CASD1: variants seen among roughly 807,000 people sequenced by gnomAD.
CASD1 encodes the protein CAS1 domain sialic acid O acetyltransferase 1.
A neutral mutation model predicts 100.0 loss-of-function variants in CASD1; 41 were observed. The observed-to-expected ratio is 0.41, with a 90% confidence interval of 0.32 to 0.53. The LOEUF is 0.53. CASD1 is among the 20% of genes least tolerant of loss of function. The pLI, the probability that CASD1 is intolerant of heterozygous loss-of-function variation, is 0.25. For missense variants in CASD1, 774 were observed against 948.7 expected, an observed-to-expected ratio of 0.82 and a Z score of 2.42; for synonymous variants, 321 against 315.6, an observed-to-expected ratio of 1.02 and a Z score of -0.18.
At chr7:94,572,669 T>A in the CASD1 span, among the ~76,000 whole-genome samples, 7 of 152,192 alleles carry the variant, frequency 4.6e-5, no homozygotes, top group African/African-American at 1.4e-4. Context: ...TTGCTCCCAT[T>A]CTGTAGGTTG....
intron 1 of CASD1, among the ~76,000 whole-genome samples, chr7:94,512,320 A>G (rs1441793470): frequency 6.6e-6 from 1 of 152,194 alleles, no homozygotes; most frequent in Non-Finnish European, 1.5e-5. Context: ...GCTGCATTCA[A>G]AGCCATCCTG....
At chr7:94,593,898 C>T in the CASD1 span, among the ~76,000 whole-genome samples, 2 of 152,038 alleles carry the variant, frequency 1.3e-5, no homozygotes, top group East Asian at 3.9e-4. Context: ...GATTATTAAG[C>T]CAGGAATTCT....
At chr7:94,516,901 C>CT (rs773061890) in intron 1 of CASD1, among the ~76,000 whole-genome samples, 3,404 of 145,544 alleles carry the variant, frequency 0.023, 89 homozygotes, top group East Asian at 0.14. Flanking sequence ...ATCCCTTAAA[C>CT]TTTTTTTTTT....
chr7:94,625,242 C>G, the CASD1 span: 1 of 151,728 alleles, frequency 6.6e-6, no homozygotes, highest in Non-Finnish European at 1.5e-5. Flanking sequence ...ATTTAAGATA[C>G]AAAAATTCTT....
chr7:94,624,177 AAAC>A, the CASD1 span: 2 of 397,848 alleles, frequency 5.0e-6, no homozygotes, highest in Non-Finnish European at 4.4e-6. Context: ...AAAAAAAAAA[AAAC>A]AAATGATTGT....
At chr7:94,610,162 A>G in the CASD1 span, among the ~76,000 whole-genome samples, 3 of 152,232 alleles carry the variant, frequency 2.0e-5, no homozygotes, top group African/African-American at 7.2e-5. Flanking sequence ...AAAAACCACT[A>G]TGGAGACAGT....
the CASD1 span, among the ~76,000 whole-genome samples, chr7:94,592,632 C>T: frequency 6.6e-6 from 1 of 152,032 alleles, no homozygotes; most frequent in Non-Finnish European, 1.5e-5. Context: ...TTTAAGAATG[C>T]AAGAGTAATA....
At chr7:94,627,177 G>A in the CASD1 span, 3 of 152,042 alleles carry the variant, frequency 2.0e-5, no homozygotes, top group Non-Finnish European at 4.4e-5. Context: ...ATTGGCCAAT[G>A]TGGAAGCTCA....
chr7:94,598,938 T>C, the CASD1 span: 1 of 1,613,846 alleles, frequency 6.2e-7, no homozygotes, highest in Non-Finnish European at 8.5e-7. Context: ...GATTTCTGAA[T>C]AGCACTGTGA....
rs1339684535 is a variant in CASD1 at position 94,509,949 on chromosome 7, G to T, written c.-136G>T. ...CCGCGGCCGCGGGGTCAGGTTCCCC[G>T]GCGGGAGGCGCAGGTGGCGGCCTGG... On this transcript the variant is annotated 5_prime_UTR_variant, in exon 1 of 18. Transcript: ENST00000297273. 1 of 1,190,208 alleles carries T rather than the reference G, an allele frequency of 8.4e-7. No homozygotes were observed. The highest frequency in any genetic ancestry group is 1.0e-6 in the Non-Finnish European group (1 of 953,852). 73.7% of individuals were successfully genotyped at this position (1,190,208 alleles called of 1,614,324 possible).
At chr7:94,551,937 G>A (rs910648053) in intron 15 of CASD1, 12 of 165,276 alleles carry the variant, frequency 7.3e-5, no homozygotes, top group South Asian at 1.7e-4. Context: ...TGCTTGAGGC[G>A]ATGTATATCT....
the CASD1 span, chr7:94,618,843 GCTGCCACACATTT>G: frequency 6.2e-7 from 1 of 1,614,006 alleles, no homozygotes. Context: ...AGGCGCTCTG[GCTGCCACACATTT>G]TTCACTGCGC....
At chr7:94,528,895 A>T (rs1333918511) in intron 5 of CASD1, among the ~76,000 whole-genome samples, 1 of 152,058 alleles carries the variant, frequency 6.6e-6, no homozygotes, top group Non-Finnish European at 1.5e-5. Flanking sequence ...ACAATATTTA[A>T]TTTTATTGAC....
At chr7:94,633,568 A>AT in the CASD1 span, among the ~76,000 whole-genome samples, 73 of 152,048 alleles carry the variant, frequency 4.8e-4, no homozygotes, top group Non-Finnish European at 8.8e-4. Flanking sequence ...CAACAACTCT[A>AT]TATTATGTGA....
the CASD1 span, chr7:94,586,878 C>T: frequency 1.0e-6 from 1 of 985,046 alleles, no homozygotes; most frequent in Non-Finnish European, 1.2e-6. Context: ...CTAGGGTGGT[C>T]TCTCTCCCTT....
rs780784679 is a variant in CASD1 at position 94,517,615 on chromosome 7, T to A, written c.189T>A (p.Val63=). The A allele has an allele frequency of 1.9e-6, 3 of 1,612,768 alleles. No homozygotes were observed. The East Asian group carries it at 6.7e-5, about 36-fold the overall frequency. The change falls in exon 2 of 18, where the codon GTT becomes GTA. Residue 63 remains valine (V), a synonymous_variant. Transcript: ENST00000297273. ...LSSGRFLGEK[V]WQPHSCMMHK... ...GTGGCAGATTTCTTGGAGAGAAAGT[T>A]TGGCAACCTCACAGTTGTATGATGC...
the CASD1 span, chr7:94,586,787 C>A: frequency 4.1e-6 from 4 of 975,940 alleles, no homozygotes; most frequent in Non-Finnish European, 4.9e-6. Context: ...CAGGTGTGAG[C>A]CACCGCACCC....
At chr7:94,588,822 T>C in the CASD1 span, 11 of 1,456,744 alleles carry the variant, frequency 7.6e-6, no homozygotes, top group Non-Finnish European at 1.1e-5. Context: ...ACTTTACGGG[T>C]AAACTATGAC....
the CASD1 span, among the ~76,000 whole-genome samples, chr7:94,583,036 A>G: frequency 6.6e-5 from 10 of 152,340 alleles, no homozygotes; most frequent in Non-Finnish European, 1.2e-4. Context: ...GGTATGGTCA[A>G]GATATGAGAA....
Sources: allele counts gnomAD v4.1 joint callset (sites outside exome capture counted in the v4.1 genomes callset), GRCh38; gene constraint gnomAD v4.1.1; transcripts MANE v1.5; gene names NCBI Gene and HGNC (gene_info 2026-07-23, HGNC 2026-07-21).